The following SLIT3 variants were observed in gnomAD, a reference collection of about 807,000 sequenced individuals.
SLIT3 encodes slit homolog 3 protein.
SLIT3 carries 68 observed loss-of-function variants against 184.0 expected under a neutral mutation model. That is an observed-to-expected ratio of 0.37 (90% CI 0.30 to 0.45). The LOEUF is 0.45. Ranked by LOEUF, SLIT3 falls within the 20% of genes least tolerant of loss-of-function variation. The pLI is 1.00. For synonymous variants in SLIT3, 831 were observed against 828.6 expected, an observed-to-expected ratio of 1.00 and a Z score of -0.05; for missense variants, 1,707 against 2,026.0, an observed-to-expected ratio of 0.84 and a Z score of 3.02.
Position 168,869,569 on chromosome 5 carries a change from C to T in SLIT3, c.485+13696G>A, listed in dbSNP as rs549042167. Among the ~76,000 whole-genome samples, 17 of 152,246 alleles carry T rather than the reference C, an allele frequency of 1.1e-4. 1 individual carries two copies. The highest frequency in any genetic ancestry group is 4.6e-4 in the Admixed American group (7 of 15,296). On this transcript the variant is annotated intron_variant, in intron 5 of 35. Transcript: ENST00000519560. ...GCCTCTGTTTATTTGGTGTACATGTCGGCAGTGGGGAGATATGATCACCTG... is the reference window on the plus strand; with the variant it reads ...GCCTCTGTTTATTTGGTGTACATGTTGGCAGTGGGGAGATATGATCACCTG...
intron 4 of SLIT3, among the ~76,000 whole-genome samples, chr5:169,131,975 G>A (rs556778259): frequency 6.6e-6 from 1 of 152,288 alleles, no homozygotes; most frequent in African/African-American, 2.4e-5. Context: ...ACATGGTAAA[G>A]ATGGTAGCCC....
intron 1 of SLIT3, among the ~76,000 whole-genome samples, chr5:169,268,535 T>A (rs1389279340): frequency 6.6e-6 from 1 of 152,194 alleles, no homozygotes; most frequent in African/African-American, 2.4e-5. Context: ...GCAGAGAACC[T>A]TTCTTACACA....
intron 4 of SLIT3, among the ~76,000 whole-genome samples, chr5:168,953,197 G>T (rs998054978): frequency 2.0e-5 from 3 of 152,218 alleles, no homozygotes; most frequent in South Asian, 2.1e-4. Context: ...CATGGAGAGA[G>T]ATTCTTGGTC....
intron 14 of SLIT3, among the ~76,000 whole-genome samples, chr5:168,770,866 T>C (rs981092596): frequency 2.0e-5 from 3 of 152,088 alleles, no homozygotes; most frequent in Non-Finnish European, 2.9e-5. Flanking sequence ...CCTTTTCTCC[T>C]ACTTAGTTCT....
intron 4 of SLIT3, among the ~76,000 whole-genome samples, chr5:169,172,753 T>C (rs935873026): frequency 6.6e-5 from 10 of 152,208 alleles, no homozygotes; most frequent in African/African-American, 2.4e-4. Flanking sequence ...AAAAATATTT[T>C]AGCGCTGTAC....
intron 1 of SLIT3, among the ~76,000 whole-genome samples, chr5:169,296,919 C>T (rs1460766004): frequency 1.3e-5 from 2 of 152,206 alleles, no homozygotes; most frequent in Non-Finnish European, 2.9e-5. Context: ...TGGGCCTCTG[C>T]CTGCCTCTAG....
chr5:168,798,981 C>A (rs1391812558), intron 9 of SLIT3, among the ~76,000 whole-genome samples: 1 of 152,204 alleles, frequency 6.6e-6, no homozygotes, highest in Non-Finnish European at 1.5e-5. Context: ...CATCTGACTT[C>A]AAAGCCCAGA....
Position 168,823,282 on chromosome 5 carries a change from G to T in SLIT3, c.607C>A (p.His203Asn). The change falls in exon 7 of 36, where the codon CAC becomes AAC. Residue 203 changes from histidine (H) to asparagine (N), a missense_variant. Physicochemically the swap from His to Asn is moderately conservative, Grantham distance 68 (BLOSUM62 1). Transcript: ENST00000519560. ...CACAGAGTTCGGATCTTCGGCATGT[G>T]GTTGAAGCTGGTGACCAGGATGCGA... ...ISRILVTSFN[H>N]MPKIRTLRLH... The T allele has an allele frequency of 1.2e-6, 2 of 1,614,012 alleles. No homozygotes were observed. The highest frequency in any genetic ancestry group is 1.7e-6 in the Non-Finnish European group (2 of 1,179,874).
At chr5:168,695,041 A>G (rs1236256916) in intron 28 of SLIT3, among the ~76,000 whole-genome samples, 1 of 152,032 alleles carries the variant, frequency 6.6e-6, no homozygotes, top group Non-Finnish European at 1.5e-5. Flanking sequence ...CAGTTTCAAG[A>G]GTGTACTTGG....
chr5:169,235,071 T>C (rs1765148001), intron 3 of SLIT3, among the ~76,000 whole-genome samples: 1 of 152,238 alleles, frequency 6.6e-6, no homozygotes, highest in Admixed American at 6.5e-5. Context: ...AATCATCTTT[T>C]AAGAACATTT....
chr5:169,065,762 T>C (rs1376474140), intron 4 of SLIT3, among the ~76,000 whole-genome samples: 1 of 152,076 alleles, frequency 6.6e-6, no homozygotes, highest in Non-Finnish European at 1.5e-5. Flanking sequence ...CTTCCCAACA[T>C]AGCATGCACC....
At chr5:168,857,358 G>A (rs1758920054) in intron 5 of SLIT3, among the ~76,000 whole-genome samples, 1 of 150,396 alleles carries the variant, frequency 6.6e-6, no homozygotes. Flanking sequence ...TCATTTGCCA[G>A]CAGTAGAGTT....
At chr5:169,074,498 T>C (rs1011032617) in intron 4 of SLIT3, among the ~76,000 whole-genome samples, 1 of 152,182 alleles carries the variant, frequency 6.6e-6, no homozygotes, top group African/African-American at 2.4e-5. Context: ...GTTTTTCAAT[T>C]AATAACTCAT....
chr5:168,758,818 G>A (rs188799331), intron 16 of SLIT3, among the ~76,000 whole-genome samples: 69 of 152,294 alleles, frequency 4.5e-4, no homozygotes, highest in African/African-American at 1.4e-3. Flanking sequence ...AGAAAAAAAC[G>A]AGGTGGTACA....
chr5:169,087,530 T>A (rs565651864), intron 4 of SLIT3, among the ~76,000 whole-genome samples: 29 of 152,322 alleles, frequency 1.9e-4, no homozygotes, highest in African/African-American at 6.7e-4. Context: ...AGTGTACAAT[T>A]AGGAACAACC....
intron 5 of SLIT3, among the ~76,000 whole-genome samples, chr5:168,878,747 A>G (rs1351249447): frequency 7.4e-6 from 1 of 134,714 alleles, no homozygotes. Flanking sequence ...ACTGAGTTTC[A>G]CTCGTCTCCC....
chr5:169,257,857 C>T (rs1177847802), intron 1 of SLIT3, among the ~76,000 whole-genome samples: 2 of 151,868 alleles, frequency 1.3e-5, no homozygotes, highest in Admixed American at 6.6e-5. Flanking sequence ...GCCCAGCCTT[C>T]CATGCTTTCT....
intron 4 of SLIT3, among the ~76,000 whole-genome samples, chr5:168,899,500 C>T (rs1034107405): frequency 6.6e-6 from 1 of 151,872 alleles, no homozygotes; most frequent in Non-Finnish European, 1.5e-5. Flanking sequence ...GGTGACAGAG[C>T]GAGATCCTGC....
intron 4 of SLIT3, among the ~76,000 whole-genome samples, chr5:169,059,379 C>T (rs544579704): frequency 6.6e-6 from 1 of 152,338 alleles, no homozygotes; most frequent in African/African-American, 2.4e-5. Flanking sequence ...CTGTCCCAGG[C>T]TCTTTGTAAG....
Sources: allele counts gnomAD v4.1 joint callset (sites outside exome capture counted in the v4.1 genomes callset), GRCh38; gene constraint gnomAD v4.1.1; transcripts MANE v1.5; gene names NCBI Gene and HGNC (gene_info 2026-07-23, HGNC 2026-07-21).